LYST: variants seen among roughly 807,000 people sequenced by gnomAD.
LYST encodes the protein lysosomal-trafficking regulator.
LYST carries 192 observed loss-of-function variants against 413.6 expected under a neutral mutation model. The ratio of observed to expected loss-of-function variants is 0.46; its 90% CI spans 0.41 to 0.52. LYST has a LOEUF of 0.52. LYST is among the 20% of genes least tolerant of loss of function. LYST has a pLI of 0.00. For missense variants in LYST, 3,815 were observed against 4,499.9 expected (o/e 0.85, Z 4.35); for synonymous variants, 1,525 against 1,567.3 (o/e 0.97, Z 0.64).
intron 3 of LYST, chr1:235,828,688 A>G (rs1248648079): frequency 1.4e-6 from 1 of 717,882 alleles, no homozygotes; most frequent in African/African-American, 1.9e-5. Context: ...TGCTATTTAT[A>G]TGGTATATTT....
chr1:235,766,092 A>G lies in LYST; in HGVS notation c.6108T>C (p.Phe2036=), dbSNP rs931855282. The change falls in exon 21 of 53, where the codon TTT becomes TTC. Residue 2036 remains phenylalanine (F), a synonymous_variant. Coordinates refer to ENST00000389793, the MANE Select transcript of LYST (RefSeq NM_000081.4). ...GATTATACCTACCTATGTGCAAAGA[A>G]AAGTAGAAGTTCGTGGGATTGTGAC... The part of the protein sequence containing the change: ...YVCHNPTNFY[F]SLHIDGKIFQ... 4 of 1,612,810 alleles carry G rather than the reference A, an allele frequency of 2.5e-6. No homozygotes were observed. The highest frequency in any genetic ancestry group is 3.4e-6 in the Non-Finnish European group (4 of 1,178,938).
At position 235,805,971 on chromosome 1, in the gene LYST, T is replaced by C. The variant is rs763563678; in HGVS notation, c.3165A>G (p.Leu1055=). 2 of 1,613,832 alleles carry C rather than the reference T, an allele frequency of 1.2e-6. No individual in the cohort carries two copies. Among genetic ancestry groups the C allele is most frequent in the Non-Finnish European group, 1.7e-6 (2 of 1,179,746 alleles). The change falls in exon 6 of 53, where the codon CTA becomes CTG. Residue 1055 remains leucine (L), a synonymous_variant. Coordinates refer to ENST00000389793, the MANE Select transcript of LYST (RefSeq NM_000081.4). The part of the protein sequence containing the change: ...SDPIPSELGS[L]KKSADSLGKL... ...TACCTAAACTGTCAGCACTCTTTTT[T>C]AGACTACCTAGTTCTGATGGTATGG...
chr1:235,724,487 C>A (rs1297878886), intron 38 of LYST, among the ~76,000 whole-genome samples: 1 of 152,202 alleles, frequency 6.6e-6, no homozygotes, highest in Non-Finnish European at 1.5e-5. Context: ...ATTATTAAAT[C>A]TTGCATTTGG....
intron 1 of LYST, among the ~76,000 whole-genome samples, chr1:235,834,146 T>C (rs1676286021): frequency 6.6e-6 from 1 of 152,178 alleles, no homozygotes; most frequent in Admixed American, 6.5e-5. Context: ...CACCATCAAA[T>C]TTCATATCTT....
intron 10 of LYST, among the ~76,000 whole-genome samples, chr1:235,795,311 A>G (rs1671441552): frequency 6.6e-6 from 1 of 152,234 alleles, no homozygotes; most frequent in South Asian, 2.1e-4. Flanking sequence ...TCAGGTGTAT[A>G]CAGGCTTTTA....
At chr1:235,726,687 A>C (rs1663903241) in intron 38 of LYST, among the ~76,000 whole-genome samples, 1 of 152,204 alleles carries the variant, frequency 6.6e-6, no homozygotes, top group African/African-American at 2.4e-5. Flanking sequence ...TTTAAATATA[A>C]AACACATTTA....
intron 45 of LYST, 95 bp downstream of exon 45, chr1:235,702,652 G>T: frequency 9.6e-7 from 1 of 1,044,012 alleles, no homozygotes; most frequent in Non-Finnish European, 1.5e-6. Flanking sequence ...ACAGCTTTAG[G>T]CCAGGACCAT....
intron 50 of LYST, among the ~76,000 whole-genome samples, chr1:235,669,602 A>G (rs1658763953): frequency 6.6e-6 from 1 of 152,188 alleles, no homozygotes; most frequent in African/African-American, 2.4e-5. Flanking sequence ...TGGTGGTTTT[A>G]GGCAACCCAT....
At position 235,697,198 on chromosome 1, in the gene LYST, G is replaced by T; in HGVS notation, c.10449C>A (p.Val3483=). 2 of 1,614,156 alleles carry T rather than the reference G, an allele frequency of 1.2e-6. No homozygotes were observed. The highest frequency in any genetic ancestry group is 1.7e-6 in the Non-Finnish European group (2 of 1,180,008). ...TTTCTCCGTGGGGCTGGCTGAAGCAGACCACAGGTACTGGAGCACTGGGGG... is the reference window on the plus strand; with the variant it reads ...TTTCTCCGTGGGGCTGGCTGAAGCATACCACAGGTACTGGAGCACTGGGGG... ...VGSPSAPVPV[V]CFSQPHGERF... Residue 3483 remains valine (V), a synonymous_variant, in exon 46 of 53, where the codon GTC becomes GTA. Coordinates refer to ENST00000389793, the MANE Select transcript of LYST (RefSeq NM_000081.4).
chr1:235,745,895 A>G (rs529010447), intron 29 of LYST, among the ~76,000 whole-genome samples: 12 of 152,230 alleles, frequency 7.9e-5, no homozygotes, highest in African/African-American at 2.9e-4. Flanking sequence ...GGGTGAGAGG[A>G]AAGTGGGTGT....
rs771400826 is a variant in LYST at position 235,806,077 on chromosome 1, T to C, written c.3059A>G (p.Glu1020Gly). 6.5e-5 allele frequency: 105 copies of C among 1,613,724 alleles called. 1 individual carries two copies. The South Asian group carries it at 1.1e-3, about 17-fold the overall frequency. The part of the protein sequence containing the change: ...GKKEGDTSVN[E>G]NQDLNRISQP... Reference sequence around the variant, plus strand: ...AGAAATTCTGTTTAAATCCTGGTTTTCATTTACACTTGTATCTCCCTCCTT... The same window carrying C: ...AGAAATTCTGTTTAAATCCTGGTTTCCATTTACACTTGTATCTCCCTCCTT... The change falls in exon 6 of 53, where the codon GAA becomes GGA. Residue 1020 changes from glutamate to glycine, a missense_variant. Glu to Gly is a moderately conservative substitution (Grantham distance 98). Around this residue, in one of 4 missense-constraint regions of LYST, gnomAD observed 1,648 missense variants for 1,810.3 expected, o/e 0.91. Coordinates refer to ENST00000389793, the MANE Select transcript of LYST (RefSeq NM_000081.4).
intron 1 of LYST, chr1:235,839,955 C>T (rs1360231519): frequency 6.6e-6 from 1 of 152,096 alleles, no homozygotes; most frequent in Non-Finnish European, 1.5e-5. Flanking sequence ...CTATTATCAC[C>T]TTGTAACCAC....
intron 20 of LYST, among the ~76,000 whole-genome samples, chr1:235,768,923 C>G (rs1668393950): frequency 6.6e-6 from 1 of 151,992 alleles, no homozygotes; most frequent in African/African-American, 2.4e-5. Context: ...CCAAGAAAGG[C>G]AATAAAATGT....
Position 235,788,795 on chromosome 1 carries a change from T to A in LYST, c.4594A>T (p.Ile1532Leu). Residue 1532 changes from isoleucine (I) to leucine (L), a missense_variant, in exon 13 of 53, where the codon ATA becomes TTA. Physicochemically the swap from Ile to Leu is conservative, Grantham distance 5. This residue lies in a region of LYST where 1,648 missense variants were observed against 1,810.3 expected (regional missense o/e 0.91). Coordinates refer to ENST00000389793, the MANE Select transcript of LYST (RefSeq NM_000081.4). ...AEYINPGERL[I>L]EEGCIHIISL... ...ATTATATGAATACATCCTTCTTCTA[T>A]GAGTCTTTCACCAGGATTTATGTAC... is the stretch of plus-strand genomic sequence containing the variant. The A allele has an allele frequency of 6.2e-7, 1 of 1,613,096 alleles. No homozygotes were observed. Among genetic ancestry groups the A allele is most frequent in the Admixed American group, 1.7e-5 (1 of 60,014 alleles).
chr1:235,771,732 G>A (rs1261786980), intron 19 of LYST, among the ~76,000 whole-genome samples: 1 of 152,020 alleles, frequency 6.6e-6, no homozygotes, highest in Non-Finnish European at 1.5e-5. Flanking sequence ...TTAGTTGGCT[G>A]TTGGACATGC....
chr1:235,793,264 T>G (rs1383168206), intron 11 of LYST, among the ~76,000 whole-genome samples: 1 of 152,020 alleles, frequency 6.6e-6, no homozygotes, highest in African/African-American at 2.4e-5. Context: ...GGGGATGGGG[T>G]GGGTAAAGAA....
chr1:235,831,478 AT>A (rs1675974317), intron 2 of LYST, among the ~76,000 whole-genome samples: 1 of 152,222 alleles, frequency 6.6e-6, no homozygotes, highest in African/African-American at 2.4e-5. Context: ...TGTGGTAGTC[AT>A]TATGAGGTAG....
At chr1:235,737,917 G>GAT in intron 31 of LYST, 1 of 1,160,138 alleles carries the variant, frequency 8.6e-7, no homozygotes, top group Admixed American at 4.4e-5. Context: ...CTGCCGACGA[G>GAT]TCTGGATCTC....
rs78219692 is a variant in LYST at position 235,669,361 on chromosome 1, C to A, written c.11039-4740G>T. 3.3e-3 allele frequency among the ~76,000 whole-genome samples: 501 copies of A among 152,326 alleles called. 2 individuals carry two copies. The highest frequency in any genetic ancestry group is 5.7e-3 in the Non-Finnish European group (390 of 68,028). On this transcript the variant is annotated intron_variant, in intron 50 of 52. Transcript: ENST00000389793. ...CTAGAACTAAATTCAAAGGAAAACC[C>A]TAACTTTCCAGGCCTAAAGAACAAA...
Sources: gnomAD v4.1 joint callset for allele counts (sites outside exome capture counted in the v4.1 genomes callset) on GRCh38, gnomAD v4.1.1 for gene constraint, gnomAD v4.1.1 regional missense constraint, MANE v1.5 for transcripts, NCBI Gene and HGNC (gene_info 2026-07-23, HGNC 2026-07-21) for gene names.